CDK12: variants seen among roughly 807,000 people sequenced by gnomAD.
The protein encoded by CDK12 is cyclin-dependent kinase 12.
In CDK12, 17 loss-of-function variants were observed where a neutral mutation model predicts 133.8. The ratio of observed to expected loss-of-function variants is 0.13; its 90% CI spans 0.09 to 0.19. CDK12 has a LOEUF of 0.19. Ranked by LOEUF, CDK12 falls within the 10% of genes least tolerant of loss-of-function variation. The pLI is 1.00. For missense variants in CDK12, 1,508 were observed against 1,818.7 expected (o/e 0.83, Z 3.11); for synonymous variants, 694 against 683.6 (o/e 1.02, Z -0.24).
chr17:39,550,226 G>T (rs536397619), exon 1 of CDK12: 1 of 152,362 alleles, frequency 6.6e-6, no homozygotes, highest in African/African-American at 2.4e-5. Flanking sequence ...GATTGGGTAA[G>T]GGAGGAGGAT....
intron 5 of CDK12, among the ~76,000 whole-genome samples, chr17:39,495,943 ACTCTCTCACCCAGG>A (rs1261414315): frequency 6.6e-6 from 1 of 151,286 alleles, no homozygotes; most frequent in Non-Finnish European, 1.5e-5. Context: ...ACAGAGTCTT[ACTCTCTCACCCAGG>A]CTGGAGTGCA....
rs1361076639 is a variant in CDK12 at position 39,517,556 on chromosome 17, T to G, written c.2963T>G (p.Phe988Cys). The change falls in exon 10 of 14, where the codon TTC becomes TGC. Residue 988 changes from phenylalanine (F) to cysteine (C), a missense_variant and splice_region_variant. Phe to Cys is a radical substitution (Grantham distance 205). This residue lies in a region of CDK12 where 82 missense variants were observed against 201.5 expected (regional missense o/e 0.41). Coordinates refer to ENST00000447079, the MANE Select transcript of CDK12 (RefSeq NM_016507.4). The part of the protein sequence containing the change: ...YRRRLREEFS[F>C]IPSAALDLLD... ...AGGCGTCTACGAGAAGAATTCTCTT[T>G]GTGAGTTTGGGGAAAATGAACATCT... is the stretch of plus-strand genomic sequence containing the variant. 3.2e-6 allele frequency: 5 copies of G among 1,569,770 alleles called. No individual in the cohort carries two copies. The highest frequency in any genetic ancestry group is 4.4e-6 in the Non-Finnish European group (5 of 1,139,672).
upstream of CDK12, among the ~76,000 whole-genome samples, chr17:39,544,623 ATCTTT>A (rs1456847045): frequency 7.4e-4 from 85 of 115,212 alleles, 1 homozygote; most frequent in African/African-American, 2.7e-3. Context: ...GTAACAGGCG[ATCTTT>A]TTTTTTTTTT....
intron 2 of CDK12, among the ~76,000 whole-genome samples, chr17:39,483,835 T>C (rs1052417495): frequency 4.0e-5 from 6 of 151,584 alleles, no homozygotes; most frequent in Admixed American, 1.3e-4. Context: ...ATTTATAAAT[T>C]TTATATTTTT....
intron 2 of CDK12, among the ~76,000 whole-genome samples, chr17:39,481,470 G>T (rs2050642977): frequency 7.0e-6 from 1 of 142,108 alleles, no homozygotes; most frequent in Admixed American, 7.1e-5. Flanking sequence ...ATGCCCGGCT[G>T]TTTTTTTTTT....
At chr17:39,557,543 A>G (rs2056205938) in intron 3 of CDK12, among the ~76,000 whole-genome samples, 2 of 152,214 alleles carry the variant, frequency 1.3e-5, no homozygotes, top group African/African-American at 4.8e-5. Context: ...CTCACTGGAA[A>G]CAGAAGAGAG....
At chr17:39,538,716 G>A (rs150806339), downstream of CDK12, among the ~76,000 whole-genome samples, 22 of 152,262 alleles carry the variant, frequency 1.4e-4, no homozygotes, top group Non-Finnish European at 2.6e-4. Flanking sequence ...GGCTTACACG[G>A]TGAAACCCCA....
intron 4 of CDK12, among the ~76,000 whole-genome samples, chr17:39,493,373 A>G (rs965952010): frequency 6.7e-6 from 1 of 149,872 alleles, no homozygotes; most frequent in Non-Finnish European, 1.5e-5. Flanking sequence ...GAGTGGATCA[A>G]TCTCTGCTCA....
chr17:39,529,920 A>T (rs1021867582), intron 13 of CDK12: 1 of 152,178 alleles, frequency 6.6e-6, no homozygotes, highest in African/African-American at 2.4e-5. Flanking sequence ...ATAGAAAATT[A>T]TGATAGAAAT....
At chr17:39,524,379 G>C (rs2054366837) in intron 11 of CDK12, among the ~76,000 whole-genome samples, 1 of 151,936 alleles carries the variant, frequency 6.6e-6, no homozygotes, top group Non-Finnish European at 1.5e-5. Flanking sequence ...TTGTTGTTAT[G>C]CCAAGGAAAG....
chr17:39,559,042 C>G (rs2056270120), intron 3 of CDK12, among the ~76,000 whole-genome samples: 1 of 152,212 alleles, frequency 6.6e-6, no homozygotes, highest in Non-Finnish European at 1.5e-5. Flanking sequence ...TTGATGTACA[C>G]TAATGAGAAT....
chr17:39,520,175 T>G, intron 11 of CDK12, 88 bp downstream of exon 11: 1 of 1,404,916 alleles, frequency 7.1e-7, no homozygotes, highest in Non-Finnish European at 9.8e-7. Flanking sequence ...AGATGCCCAG[T>G]AAGACCCAAA....
At chr17:39,483,961 A>C (rs1419563894) in intron 2 of CDK12, among the ~76,000 whole-genome samples, 1 of 151,656 alleles carries the variant, frequency 6.6e-6, no homozygotes, top group Non-Finnish European at 1.5e-5. Context: ...TCATGCCTCA[A>C]CTTCCCAAGT....
intron 1 of CDK12, among the ~76,000 whole-genome samples, chr17:39,469,981 T>G (rs893779786): frequency 3.9e-5 from 6 of 152,152 alleles, no homozygotes; most frequent in Non-Finnish European, 8.8e-5. Context: ...AAAGATTAAA[T>G]TCAAAATTCT....
intron 5 of CDK12, among the ~76,000 whole-genome samples, chr17:39,499,654 C>T (rs947452816): frequency 2.6e-5 from 4 of 151,530 alleles, no homozygotes; most frequent in South Asian, 2.1e-4. Context: ...GAATTATAGG[C>T]GCCTGCTATC....
At chr17:39,474,965 G>C (rs2050077059) in intron 2 of CDK12, among the ~76,000 whole-genome samples, 1 of 151,602 alleles carries the variant, frequency 6.6e-6, no homozygotes, top group Admixed American at 6.6e-5. Flanking sequence ...CCTCTGAGTA[G>C]CTGAGATTAC....
chr17:39,509,587 G>A, intron 6 of CDK12, 118 bp from the exon 7 acceptor site: 3 of 704,956 alleles, frequency 4.3e-6, no homozygotes, highest in Non-Finnish European at 7.6e-6. Context: ...AACAAAGAGA[G>A]CAGAAGTTAA....
downstream of CDK12, among the ~76,000 whole-genome samples, chr17:39,566,105 G>T (rs916829010): frequency 1.1e-4 from 17 of 152,166 alleles, no homozygotes; most frequent in Admixed American, 9.8e-4. Flanking sequence ...TAATAATAAA[G>T]TTTACCTTAC....
downstream of CDK12, among the ~76,000 whole-genome samples, chr17:39,535,540 T>C (rs1598206527): frequency 2.0e-5 from 3 of 152,310 alleles, no homozygotes; most frequent in Non-Finnish European, 1.5e-5. Flanking sequence ...TTCAACCTAC[T>C]AGAAAATACT....
Sources: gnomAD v4.1 joint callset for allele counts (sites outside exome capture counted in the v4.1 genomes callset) on GRCh38, gnomAD v4.1.1 for gene constraint, gnomAD v4.1.1 regional missense constraint, MANE v1.5 for transcripts, NCBI Gene and HGNC (gene_info 2026-07-23, HGNC 2026-07-21) for gene names.